PBX3: variants seen among roughly 807,000 people sequenced by gnomAD.
The protein encoded by PBX3 is PBX homeobox 3.
PBX3 carries 14 observed loss-of-function variants against 48.5 expected under a neutral mutation model. The observed-to-expected ratio is 0.29, with a 90% CI of 0.19 to 0.45. PBX3 has a LOEUF of 0.45. Ranked by LOEUF, PBX3 falls within the 20% of genes least tolerant of loss-of-function variation. The pLI is 1.00. For synonymous variants in PBX3, 210 were observed against 200.3 expected (o/e 1.05, Z -0.41); for missense variants, 386 against 546.7 (o/e 0.71, Z 2.93).
intron 5 of PBX3, 138 bp from the exon 6 acceptor site, chr9:125,960,546 A>G (rs1030213270): frequency 4.3e-6 from 3 of 698,250 alleles, no homozygotes; most frequent in Non-Finnish European, 7.4e-6. Flanking sequence ...ACCATTATGC[A>G]TGATCCATAG....
At chr9:125,768,612 A>G (rs1327383571) in intron 2 of PBX3, among the ~76,000 whole-genome samples, 1 of 152,240 alleles carries the variant, frequency 6.6e-6, no homozygotes, top group East Asian at 1.9e-4. Flanking sequence ...ACACTTTTGC[A>G]AATCTTTTAA....
intron 3 of PBX3, among the ~76,000 whole-genome samples, chr9:125,916,446 A>G (rs372614162): frequency 3.9e-5 from 6 of 152,282 alleles, no homozygotes; most frequent in East Asian, 3.9e-4. Flanking sequence ...AGACCTCCCA[A>G]GATAATTATG....
At chr9:125,862,298 G>T (rs1839879100) in intron 2 of PBX3, among the ~76,000 whole-genome samples, 1 of 152,174 alleles carries the variant, frequency 6.6e-6, no homozygotes, top group Non-Finnish European at 1.5e-5. Flanking sequence ...AGAGCAACCA[G>T]CATCAAAATT....
In PBX3 at chr9:125,747,429, C is replaced by T; in HGVS notation, c.-25C>T. On this transcript the variant is annotated 5_prime_UTR_variant, in exon 1 of 9. Coordinates refer to ENST00000373489, the MANE Select transcript of PBX3 (RefSeq NM_006195.6). ...GCCTCAGCCTTCGCCTCAGCCGCCG[C>T]CCGCTCCCGCCCGCGCGCGGCGGGA... The T allele has an allele frequency of 6.9e-7, 1 of 1,441,674 alleles. No individual in the cohort carries two copies. Among genetic ancestry groups the T allele is most frequent in the Non-Finnish European group, 9.1e-7 (1 of 1,094,622 alleles). The allele number at this position is 1,441,674 out of a possible 1,614,324, so 89.3% of individuals were successfully genotyped here. A position where few individuals can be genotyped will look rare whatever the true frequency, so the allele number is the denominator to read the frequency against.
intron 2 of PBX3, among the ~76,000 whole-genome samples, chr9:125,774,497 C>G (rs548830210): frequency 2.0e-5 from 3 of 152,268 alleles, no homozygotes; most frequent in Non-Finnish European, 4.4e-5. Flanking sequence ...TGGGATCATA[C>G]AGTATTTGGT....
intron 2 of PBX3, among the ~76,000 whole-genome samples, chr9:125,781,877 G>T (rs1320832587): frequency 6.6e-6 from 1 of 150,968 alleles, no homozygotes; most frequent in Non-Finnish European, 1.5e-5. Context: ...TATAAGTTTT[G>T]GTATGTTGTA....
chr9:125,965,668 T>G (rs1842516002), intron 8 of PBX3, among the ~76,000 whole-genome samples, 163 bp from the exon 9 acceptor site: 1 of 152,226 alleles, frequency 6.6e-6, no homozygotes, highest in Admixed American at 6.5e-5. Context: ...TTACATGCAT[T>G]TAATCCCACT....
chr9:125,840,550 TTC>T (rs1839261350), intron 2 of PBX3, among the ~76,000 whole-genome samples: 5 of 151,882 alleles, frequency 3.3e-5, no homozygotes, highest in Admixed American at 2.0e-4. Context: ...GAGTGAATTT[TTC>T]TCTCTTTCCT....
chr9:125,965,691 G>T (rs772802688), intron 8 of PBX3, 140 bp from the exon 9 acceptor site: 4 of 671,194 alleles, frequency 6.0e-6, no homozygotes, highest in Non-Finnish European at 1.1e-5. Flanking sequence ...AACACATGCT[G>T]CCAACTCCTG....
chr9:125,779,158 TA>T (rs1266838120), intron 2 of PBX3, among the ~76,000 whole-genome samples: 1 of 146,824 alleles, frequency 6.8e-6, no homozygotes, highest in African/African-American at 2.5e-5. Context: ...AATCCTACAA[TA>T]TTTGTCCTTT....
At chr9:125,784,642 C>T (rs375691043) in intron 2 of PBX3, among the ~76,000 whole-genome samples, 16 of 151,934 alleles carry the variant, frequency 1.1e-4, no homozygotes, top group African/African-American at 3.9e-4. Context: ...AGCTTGTGTT[C>T]AGCTAGTATT....
At chr9:125,843,696 G>T in intron 2 of PBX3, 1 of 382,448 alleles carries the variant, frequency 2.6e-6, no homozygotes, top group South Asian at 1.9e-5. Flanking sequence ...ATGGAATTCC[G>T]TCTCTGTTAT....
intron 2 of PBX3, among the ~76,000 whole-genome samples, chr9:125,779,583 CACA>C (rs1837183260): frequency 1.1e-5 from 1 of 88,456 alleles, no homozygotes; most frequent in Non-Finnish European, 2.1e-5. Context: ...GGGGTAAGGT[CACA>C]GATCAACAGG....
At chr9:125,815,084 G>T (rs189242829) in intron 2 of PBX3, among the ~76,000 whole-genome samples, 2 of 152,122 alleles carry the variant, frequency 1.3e-5, no homozygotes, top group Admixed American at 1.3e-4. Context: ...ACAACCTGAA[G>T]AATTATGTCT....
At chr9:125,803,574 C>T (rs924231541) in intron 2 of PBX3, among the ~76,000 whole-genome samples, 1 of 152,048 alleles carries the variant, frequency 6.6e-6, no homozygotes, top group Non-Finnish European at 1.5e-5. Context: ...TTAGAATATG[C>T]TTTCAATCCA....
intron 2 of PBX3, among the ~76,000 whole-genome samples, chr9:125,765,166 T>G (rs1836770217): frequency 6.6e-6 from 1 of 151,998 alleles, no homozygotes; most frequent in Non-Finnish European, 1.5e-5. Flanking sequence ...TTTTTTTTTT[T>G]TGAGAGGGTG....
At position 125,793,367 on chromosome 9, in the gene PBX3, ATATAT is replaced by A. The variant is rs1269799062; in HGVS notation, c.274+44745_274+44749del. On this transcript the variant is annotated intron_variant, in intron 2 of 8. Transcript: ENST00000373489. ...ACTCCATTTGGGGGGGAAAAAAAAAATATATATATATATATATATATATATTTACT... is the reference window on the plus strand; with the variant it reads ...ACTCCATTTGGGGGGGAAAAAAAAAAATATATATATATATATATATTTACT... Among the ~76,000 whole-genome samples the A allele has an allele frequency of 3.0e-4, 7 of 23,250 alleles. No homozygotes were observed. In the East Asian group the frequency reaches 7.4e-3, roughly 24 times the overall value. 15.3% of individuals were successfully genotyped at this position (23,250 alleles called of 152,430 possible).
intron 2 of PBX3, chr9:125,844,664 T>G (rs1181197644): frequency 6.6e-6 from 1 of 152,156 alleles, no homozygotes; most frequent in African/African-American, 2.4e-5. Flanking sequence ...CATTATGCTT[T>G]GTTACCTCAG....
intron 3 of PBX3, among the ~76,000 whole-genome samples, chr9:125,918,549 G>A (rs565966800): frequency 3.3e-5 from 5 of 152,080 alleles, no homozygotes; most frequent in African/African-American, 1.2e-4. Context: ...GCCTAATAAC[G>A]ATCTAAATAT....
Sources: allele counts gnomAD v4.1 joint callset (sites outside exome capture counted in the v4.1 genomes callset), GRCh38; gene constraint gnomAD v4.1.1; transcripts MANE v1.5; gene names NCBI Gene and HGNC (gene_info 2026-07-23, HGNC 2026-07-21).